The following NCOA2 variants were observed in gnomAD, a reference collection of about 807,000 sequenced individuals.
NCOA2 encodes class E basic helix-loop-helix protein 75.
A neutral mutation model predicts 145.1 loss-of-function variants in NCOA2; 21 were observed. The observed-to-expected ratio is 0.14, with a 90% CI of 0.10 to 0.21. The LOEUF (loss-of-function observed/expected upper bound fraction) is 0.21. NCOA2 is among the 10% of genes least tolerant of loss of function. NCOA2 has a pLI of 1.00. For missense variants in NCOA2, 1,472 were observed against 1,837.6 expected (o/e 0.80, Z 3.64); for synonymous variants, 619 against 637.5 (o/e 0.97, Z 0.44).
intron 2 of NCOA2, among the ~76,000 whole-genome samples, chr8:70,287,659 C>T (rs551769372): frequency 6.6e-6 from 1 of 152,268 alleles, no homozygotes; most frequent in African/African-American, 2.4e-5. Flanking sequence ...CATTTGAAGC[C>T]ACGAAACAGC....
At chr8:70,324,434 C>G (rs527706879) in intron 1 of NCOA2, among the ~76,000 whole-genome samples, 1 of 152,110 alleles carries the variant, frequency 6.6e-6, no homozygotes. Flanking sequence ...ACTTATTGGG[C>G]GCAAGTGATC....
At chr8:70,187,854 T>G (rs1000812233) in intron 4 of NCOA2, among the ~76,000 whole-genome samples, 1 of 152,246 alleles carries the variant, frequency 6.6e-6, no homozygotes, top group Non-Finnish European at 1.5e-5. Context: ...TCAATTTAAT[T>G]ATCCTACATA....
chr8:70,157,226 C>T lies in NCOA2; in HGVS notation c.1139G>A (p.Cys380Tyr), dbSNP rs376322276. 21 of 1,552,190 alleles carry T rather than the reference C, an allele frequency of 1.4e-5. No homozygotes were observed. The highest frequency in any genetic ancestry group is 3.9e-5 in the Admixed American group (2 of 51,934). Residue 380 changes from cysteine (C) to tyrosine (Y), a missense_variant, in exon 11 of 23, where the codon TGT becomes TAT. Physicochemically the swap from Cys to Tyr is radical, Grantham distance 194. Around this residue, in one of 4 missense-constraint regions of NCOA2, gnomAD observed 953 missense variants for 1,062.1 expected, o/e 0.90. Transcript: ENST00000452400. ...LHMLHREQNV[C>Y]VMNPDLTGQT... Reference sequence around the variant, plus strand: ...TCCAGTCAGATCCGGATTCATCACACACACATTCTGCTCTCTGTATAACGA... The same window carrying T: ...TCCAGTCAGATCCGGATTCATCACATACACATTCTGCTCTCTGTATAACGA...
chr8:70,388,245 T>C (rs1309131484), intron 1 of NCOA2, among the ~76,000 whole-genome samples: 1 of 152,246 alleles, frequency 6.6e-6, no homozygotes, highest in African/African-American at 2.4e-5. Context: ...TAAAGATCAC[T>C]AGCTTTATTG....
chr8:70,146,209 A>G (rs984504764), intron 12 of NCOA2, among the ~76,000 whole-genome samples: 2 of 152,224 alleles, frequency 1.3e-5, no homozygotes, highest in African/African-American at 4.8e-5. Flanking sequence ...GTATTAAATT[A>G]AAGCTGTAGG....
chr8:70,437,514 G>A, the NCOA2 span, among the ~76,000 whole-genome samples: 4 of 152,334 alleles, frequency 2.6e-5, no homozygotes, highest in South Asian at 2.1e-4. Context: ...TGGTTTGACC[G>A]AAGAAATAAT....
intron 2 of NCOA2, among the ~76,000 whole-genome samples, chr8:70,223,497 C>T (rs1276754212): frequency 1.3e-5 from 2 of 152,166 alleles, no homozygotes; most frequent in Non-Finnish European, 2.9e-5. Flanking sequence ...TTACTTAGCA[C>T]ATATTTCCTT....
the NCOA2 span, among the ~76,000 whole-genome samples, chr8:70,416,520 AG>A: frequency 1.3e-5 from 2 of 152,224 alleles, no homozygotes; most frequent in African/African-American, 4.8e-5. Context: ...CAGAGAGGAA[AG>A]CAAAGTCCTT....
intron 1 of NCOA2, among the ~76,000 whole-genome samples, chr8:70,318,062 C>G (rs970622446): frequency 3.3e-5 from 5 of 152,158 alleles, no homozygotes; most frequent in Non-Finnish European, 7.3e-5. Context: ...TTAGTTACTA[C>G]CTCACCACAA....
rs376820348 is a variant in NCOA2, at chr8:70,126,791, G to C, written c.3916+22C>G. The C allele has an allele frequency of 3.8e-6, 6 of 1,592,908 alleles. No homozygotes were observed. In the African/African-American group the frequency reaches 4.0e-5, roughly 11 times the overall value. On this transcript the variant is annotated intron_variant, in intron 19 of 22. Coordinates refer to ENST00000452400, the MANE Select transcript of NCOA2 (RefSeq NM_006540.4). Reference sequence around the variant, plus strand: ...TGGGGAGAAAGGACTGGTGAAAGGTGGTGGGGATCTAAGTCCAGTACCGTA... The same window carrying C: ...TGGGGAGAAAGGACTGGTGAAAGGTCGTGGGGATCTAAGTCCAGTACCGTA...
the NCOA2 span, among the ~76,000 whole-genome samples, chr8:70,456,103 T>A: frequency 1.8e-3 from 279 of 151,634 alleles, 11 homozygotes; most frequent in East Asian, 0.046. Context: ...TGCCCGCATC[T>A]GAAAACAGAC....
intron 2 of NCOA2, among the ~76,000 whole-genome samples, chr8:70,261,849 A>G (rs1824161875): frequency 6.6e-6 from 1 of 152,118 alleles, no homozygotes; most frequent in Non-Finnish European, 1.5e-5. Flanking sequence ...TCCCTTGCTT[A>G]TATGACGATA....
intron 4 of NCOA2, among the ~76,000 whole-genome samples, chr8:70,177,323 A>G (rs1203617954): frequency 2.0e-5 from 3 of 152,200 alleles, no homozygotes; most frequent in Admixed American, 6.5e-5. Context: ...TGTGACACAC[A>G]GTCCACAAAA....
At chr8:70,304,640 G>T (rs955086536) in intron 1 of NCOA2, among the ~76,000 whole-genome samples, 3 of 150,622 alleles carry the variant, frequency 2.0e-5, no homozygotes, top group Non-Finnish European at 4.4e-5. Flanking sequence ...TAATTTTTTT[G>T]TTTTTTTGTT....
intron 2 of NCOA2, among the ~76,000 whole-genome samples, chr8:70,270,040 T>C (rs1043670213): frequency 1.3e-5 from 2 of 152,012 alleles, no homozygotes; most frequent in African/African-American, 4.8e-5. Context: ...ATTTTTAAAT[T>C]TTATCCTGGC....
At chr8:70,122,142 C>T (rs1807890323) in intron 21 of NCOA2, among the ~76,000 whole-genome samples, 1 of 152,168 alleles carries the variant, frequency 6.6e-6, no homozygotes, top group Admixed American at 6.5e-5. Context: ...TACGCTTTTC[C>T]TCAGCAAGCA....
At position 70,156,244 on chromosome 8, in the gene NCOA2, T is replaced by C. The variant is rs1466273161; in HGVS notation, c.2121A>G (p.Thr707=). ...SSSPVDLAKL[T]AEATGKDLSQ... ...TCAGGTCTTTGCCTGTGGCTTCTGCTGTTAACTTGGCCAAGTCCACAGGGG... is the reference window on the plus strand; with the variant it reads ...TCAGGTCTTTGCCTGTGGCTTCTGCCGTTAACTTGGCCAAGTCCACAGGGG... Residue 707 remains threonine (T), a synonymous_variant, in exon 11 of 23, where the codon ACA becomes ACG. Coordinates refer to ENST00000452400, the MANE Select transcript of NCOA2 (RefSeq NM_006540.4). The C allele has an allele frequency of 2.5e-6, 4 of 1,613,984 alleles. No individual in the cohort carries two copies. Among genetic ancestry groups the C allele is most frequent in the East Asian group, 2.2e-5 (1 of 44,866 alleles).
chr8:70,249,577 T>C (rs1172795829), intron 2 of NCOA2, among the ~76,000 whole-genome samples: 1 of 152,148 alleles, frequency 6.6e-6, no homozygotes, highest in Non-Finnish European at 1.5e-5. Flanking sequence ...ACTGGCCCAG[T>C]GCATAGCATA....
At chr8:70,124,140 G>GCA in intron 20 of NCOA2, 58 bp from the exon 21 acceptor site, 1 of 1,498,130 alleles carries the variant, frequency 6.7e-7, no homozygotes, top group Non-Finnish European at 9.1e-7. Flanking sequence ...CCAGAGGCAG[G>GCA]CAGCTCAGGG....
Sources: gnomAD v4.1 joint callset for allele counts (sites outside exome capture counted in the v4.1 genomes callset) on GRCh38, gnomAD v4.1.1 for gene constraint, gnomAD v4.1.1 regional missense constraint, MANE v1.5 for transcripts, NCBI Gene and HGNC (gene_info 2026-07-23, HGNC 2026-07-21) for gene names.